STEAP1B: variants seen among roughly 807,000 people sequenced by gnomAD.
The protein encoded by STEAP1B is STEAP family protein MGC87042.
A neutral mutation model predicts 27.9 loss-of-function variants in STEAP1B; 13 were observed. The observed-to-expected ratio is 0.47, with a 90% confidence interval of 0.30 to 0.74. The LOEUF is 0.74. Ranked by LOEUF, STEAP1B falls within the 30% of genes least tolerant of loss-of-function variation. STEAP1B has a pLI of 0.06. For missense variants in STEAP1B, 250 were observed against 298.7 expected (o/e 0.84, Z 1.20); for synonymous variants, 86 against 107.1 (o/e 0.80, Z 1.22).
In STEAP1B at chr7:22,494,776, T is replaced by A; in HGVS notation, c.80A>T (p.Tyr27Phe). 6.6e-7 allele frequency: 1 copy of A among 1,524,104 alleles called. No homozygotes were observed. The highest frequency in any genetic ancestry group is 9.0e-7 in the Non-Finnish European group (1 of 1,117,142). 94.4% of individuals were successfully genotyped at this position (1,524,104 alleles called of 1,614,324 possible). Residue 27 changes from tyrosine (Y) to phenylalanine (F), a missense_variant, in exon 2 of 5, where the codon TAT (tyrosine) becomes TTT (phenylalanine). Physicochemically the swap from Tyr to Phe is conservative, Grantham distance 22. Coordinates refer to ENST00000678116, the MANE Select transcript of STEAP1B (RefSeq NM_001382447.1). ...TTGTCATTATTAATATTTTACCAAATAATCGTTGTCTTCTAAATTTCTCCT... is the reference window on the plus strand; with the variant it reads ...TTGTCATTATTAATATTTTACCAAAAAATCGTTGTCTTCTAAATTTCTCCT... ...KPRRNLEDND[Y>F]LHEDTGETSM...
intron 4 of STEAP1B, chr7:22,438,576 C>T (rs1309284299): frequency 4.5e-6 from 7 of 1,551,986 alleles, no homozygotes; most frequent in Non-Finnish European, 6.1e-6. Context: ...TAACATTTCC[C>T]TTTGAAGGGC....
At chr7:22,480,342 G>A in intron 4 of STEAP1B, among the ~76,000 whole-genome samples, 1 of 152,116 alleles carries the variant, frequency 6.6e-6, no homozygotes, top group East Asian at 1.9e-4. Context: ...TGCTTCCTGA[G>A]GACCAACACT....
At chr7:22,444,599 G>A (rs915728108) in intron 4 of STEAP1B, among the ~76,000 whole-genome samples, 3 of 152,132 alleles carry the variant, frequency 2.0e-5, no homozygotes, top group Admixed American at 6.5e-5. Context: ...TTGGCCACTC[G>A]CAGCAACCCT....
At chr7:22,492,055 C>T (rs1431485995) in intron 4 of STEAP1B, among the ~76,000 whole-genome samples, 1 of 151,986 alleles carries the variant, frequency 6.6e-6, no homozygotes, top group Admixed American at 6.6e-5. Context: ...GGCGCGGTGG[C>T]TCACGTCTGT....
chr7:22,449,781 T>G (rs889601152), intron 4 of STEAP1B, among the ~76,000 whole-genome samples: 1 of 152,244 alleles, frequency 6.6e-6, no homozygotes, highest in Non-Finnish European at 1.5e-5. Flanking sequence ...AAGGGTTTGC[T>G]TTTCTCCGTA....
chr7:22,458,782 T>C (rs1036260478), intron 4 of STEAP1B, among the ~76,000 whole-genome samples: 4 of 152,032 alleles, frequency 2.6e-5, no homozygotes, highest in Non-Finnish European at 4.4e-5. Context: ...AAGGACTAGA[T>C]TGTGGAGGGC....
At chr7:22,463,752 T>C (rs1403080495) in intron 4 of STEAP1B, among the ~76,000 whole-genome samples, 1 of 151,996 alleles carries the variant, frequency 6.6e-6, no homozygotes, top group African/African-American at 2.4e-5. Flanking sequence ...TGGCTAGCCA[T>C]ATGTAGAAAG....
chr7:22,463,662 A>G lies in STEAP1B; in HGVS notation c.762+28903T>C, dbSNP rs182786161. The stretch of plus-strand genomic sequence containing the variant: ...TCAGAAATAACGCCGCGTATCTACA[A>G]CTATCTGATCTTTGACAAACCTGAG... On this transcript the variant is annotated intron_variant, in intron 4 of 4. Transcript: ENST00000678116. Among the ~76,000 whole-genome samples the G allele has an allele frequency of 2.0e-5, 3 of 152,294 alleles. No individual in the cohort carries two copies. In the East Asian group the frequency reaches 5.8e-4, roughly 29 times the overall value.
intron 4 of STEAP1B, among the ~76,000 whole-genome samples, chr7:22,472,397 T>C (rs1220664800): frequency 2.0e-5 from 3 of 152,154 alleles, no homozygotes; most frequent in African/African-American, 7.2e-5. Context: ...CCTAGGCCAA[T>C]AGCAAATGTC....
intron 4 of STEAP1B, among the ~76,000 whole-genome samples, chr7:22,459,116 C>A (rs541800068): frequency 2.6e-5 from 4 of 152,208 alleles, no homozygotes; most frequent in Non-Finnish European, 5.9e-5. Context: ...GTGGGGACTC[C>A]TGTTTGACAC....
chr7:22,488,349 A>T (rs1288221894), intron 4 of STEAP1B, among the ~76,000 whole-genome samples: 1 of 152,122 alleles, frequency 6.6e-6, no homozygotes, highest in African/African-American at 2.4e-5. Flanking sequence ...GGGCTTTATC[A>T]TCTGAGCCAC....
At chr7:22,471,893 C>CAAAAAAAAAAAAAAAA (rs59453902) in intron 4 of STEAP1B, among the ~76,000 whole-genome samples, 1 of 60,178 alleles carries the variant, frequency 1.7e-5, no homozygotes, top group Non-Finnish European at 3.2e-5. Context: ...AACCTGTCTC[C>CAAAAAAAAAAAAAAAA]AAAAAAAAAA....
intron 4 of STEAP1B, among the ~76,000 whole-genome samples, chr7:22,436,969 A>G (rs533201385): frequency 6.6e-6 from 1 of 152,308 alleles, no homozygotes; most frequent in East Asian, 1.9e-4. Flanking sequence ...GATGAAGACA[A>G]CAAAAGCAAT....
chr7:22,457,029 G>C (rs1392058594), intron 4 of STEAP1B, among the ~76,000 whole-genome samples: 2 of 138,958 alleles, frequency 1.4e-5, no homozygotes, highest in Non-Finnish European at 3.1e-5. Context: ...CATCAAGAAT[G>C]TCTGCTCTAC....
At chr7:22,487,804 CAAAAAAAA>C (rs200447382) in intron 4 of STEAP1B, among the ~76,000 whole-genome samples, 12,680 of 81,356 alleles carry the variant, frequency 0.16, 571 homozygotes, top group Non-Finnish European at 0.18. Flanking sequence ...AAACTCCACC[CAAAAAAAA>C]AAAAAAAAAA....
chr7:22,483,728 G>C (rs1041424153), intron 4 of STEAP1B, among the ~76,000 whole-genome samples: 1 of 152,164 alleles, frequency 6.6e-6, no homozygotes, highest in Admixed American at 6.5e-5. Context: ...AAGGCTGAGA[G>C]GCTATTTAGG....
chr7:22,491,394 T>C (rs1786318998), intron 4 of STEAP1B, among the ~76,000 whole-genome samples: 2 of 152,222 alleles, frequency 1.3e-5, no homozygotes, highest in East Asian at 1.9e-4. Flanking sequence ...GTGTTACTTA[T>C]TGAAATATGA....
At chr7:22,471,458 C>T (rs777813577) in intron 4 of STEAP1B, among the ~76,000 whole-genome samples, 13 of 152,262 alleles carry the variant, frequency 8.5e-5, no homozygotes, top group Non-Finnish European at 1.6e-4. Flanking sequence ...CATTTCATAG[C>T]GCTGCCTACC....
chr7:22,422,995 T>G (rs548753476), intron 4 of STEAP1B, among the ~76,000 whole-genome samples: 1 of 152,336 alleles, frequency 6.6e-6, no homozygotes, highest in African/African-American at 2.4e-5. Context: ...AAATATGAAT[T>G]TGATACAATA....
Sources: allele counts gnomAD v4.1 joint callset (sites outside exome capture counted in the v4.1 genomes callset), GRCh38; gene constraint gnomAD v4.1.1; transcripts MANE v1.5; gene names NCBI Gene and HGNC (gene_info 2026-07-23, HGNC 2026-07-21).